Variants in KIRREL3 observed in about 807,000 individuals in gnomAD.
KIRREL3 encodes the protein kin of IRRE-like protein 3.
A neutral mutation model predicts 89.7 loss-of-function variants in KIRREL3; 36 were observed. The observed-to-expected ratio is 0.40, with a 90% CI of 0.31 to 0.53. The LOEUF is 0.53. Ranked by LOEUF, KIRREL3 falls within the 20% of genes least tolerant of loss-of-function variation. KIRREL3 has a pLI of 0.49. For missense variants in KIRREL3, 864 were observed against 1,056.6 expected (o/e 0.82, Z 2.53); for synonymous variants, 445 against 441.4 (o/e 1.01, Z -0.10).
Position 126,495,485 on chromosome 11 carries a change from C to T in KIRREL3, c.434-22019G>A, listed in dbSNP as rs1219617469. 3.3e-5 allele frequency among the ~76,000 whole-genome samples: 5 copies of T among 152,232 alleles called. No homozygotes were observed. Among genetic ancestry groups the T allele is most frequent in the South Asian group, 2.1e-4 (1 of 4,820 alleles). ...CTCGTCTCCGCTCATCCTTGCTGGC[C>T]GGGTTTCTGGTTGTGGCTGTTGTGT... On this transcript the variant is annotated intron_variant, in intron 4 of 16. Transcript: ENST00000525144. The surrounding 1 kb of genome is among the most constrained non-coding windows in gnomAD (Gnocchi z 6.5).
chr11:126,899,428 T>C (rs1261671215), intron 1 of KIRREL3, among the ~76,000 whole-genome samples: 2 of 152,172 alleles, frequency 1.3e-5, no homozygotes, highest in Non-Finnish European at 2.9e-5. Context: ...TCACCTATCC[T>C]AACTGACAAA....
At position 126,977,816 on chromosome 11, in the gene KIRREL3, T is replaced by G. The variant is rs76298645; in HGVS notation, c.55+22639A>C. The stretch of plus-strand genomic sequence containing the variant: ...CAGGACCAGCCTTCCAACCAGTGTC[T>G]GGAGAGCTGAAGTTGTCAACCCTGG... On this transcript the variant is annotated intron_variant, in intron 1 of 16. Transcript: ENST00000525144. This position sits in a 1 kb window ranked among gnomAD's most constrained non-coding sequence, Gnocchi z 4.7. Among the ~76,000 whole-genome samples the G allele has an allele frequency of 3.6e-3, 552 of 152,322 alleles. 1 individual carries two copies. The highest frequency in any genetic ancestry group is 0.012 in the African/African-American group (513 of 41,564).
Position 126,456,329 on chromosome 11 carries a change from C to A in KIRREL3, c.848+20G>T. 6.5e-7 allele frequency: 1 copy of A among 1,533,772 alleles called. No homozygotes were observed. Among genetic ancestry groups the A allele is most frequent in the African/African-American group, 1.4e-5 (1 of 73,090 alleles). On this transcript the variant is annotated intron_variant, in intron 7 of 16. Coordinates refer to ENST00000525144, the MANE Select transcript of KIRREL3 (RefSeq NM_032531.4). ...TGGGGGCCAGTGGCCAGGCCGGGCC[C>A]CCTCAGCAGTGACTCTCACCTGTAC...
rs1946244166 is a variant in KIRREL3, at chr11:126,898,269, G to T, written c.55+102186C>A. Reference sequence around the variant, plus strand: ...GAATTAGAAAACTGAAGGATACCAAGGACTGGGGAACAGGTGGGGAAACTG... The same window carrying T: ...GAATTAGAAAACTGAAGGATACCAATGACTGGGGAACAGGTGGGGAAACTG... On this transcript the variant is annotated intron_variant, in intron 1 of 16. Transcript: ENST00000525144. The surrounding 1 kb of genome is among the most constrained non-coding windows in gnomAD (Gnocchi z 4.9). Among the ~76,000 whole-genome samples the T allele has an allele frequency of 6.6e-6, 1 of 152,112 alleles. No individual in the cohort carries two copies.
At chr11:126,671,803 A>G (rs4127506) in intron 1 of KIRREL3, among the ~76,000 whole-genome samples, 46,311 of 152,114 alleles carry the variant, frequency 0.3, 7,319 homozygotes, top group Admixed American at 0.4. Flanking sequence ...GAGCAACAGG[A>G]GCTCTCATTC....
chr11:126,444,750 G>A (rs1202209932), intron 10 of KIRREL3, among the ~76,000 whole-genome samples: 2 of 152,152 alleles, frequency 1.3e-5, no homozygotes, highest in African/African-American at 4.8e-5. Flanking sequence ...CCCCTTCAAA[G>A]CTAACAAACA....
rs1255388834 is a variant in KIRREL3 at position 126,780,356 on chromosome 11, G to A, written c.56-217444C>T. Among the ~76,000 whole-genome samples the A allele has an allele frequency of 6.6e-6, 1 of 152,154 alleles. No homozygotes were observed. The highest frequency in any genetic ancestry group is 2.1e-4 in the South Asian group (1 of 4,822). ...ACTGAATGTAATTAATGACATTGTG[G>A]CTTTAAATAAAAACCAGCTATTCGT... is the stretch of plus-strand genomic sequence containing the variant. On this transcript the variant is annotated intron_variant, in intron 1 of 16. Coordinates refer to ENST00000525144, the MANE Select transcript of KIRREL3 (RefSeq NM_032531.4). This position sits in a 1 kb window ranked among gnomAD's most constrained non-coding sequence, Gnocchi z 5.3.
intron 4 of KIRREL3, among the ~76,000 whole-genome samples, chr11:126,499,387 G>T (rs1484166757): frequency 6.6e-6 from 1 of 152,036 alleles, no homozygotes; most frequent in Non-Finnish European, 1.5e-5. Flanking sequence ...CTGTTAACAG[G>T]ACCTAACTAC....
intron 1 of KIRREL3, among the ~76,000 whole-genome samples, chr11:126,944,627 GA>G (rs1203337126): frequency 6.6e-6 from 1 of 152,116 alleles, no homozygotes; most frequent in Non-Finnish European, 1.5e-5. Flanking sequence ...TCCACGCCTT[GA>G]GACTTCCACT....
upstream of KIRREL3, among the ~76,000 whole-genome samples, chr11:127,002,212 C>G (rs561565519): frequency 6.6e-6 from 1 of 152,246 alleles, no homozygotes; most frequent in Non-Finnish European, 1.5e-5. Context: ...TGGTAGTTGA[C>G]ACCAAAGATC....
rs184051250 is a variant in KIRREL3 at position 126,772,919 on chromosome 11, T to A, written c.56-210007A>T. Among the ~76,000 whole-genome samples the A allele has an allele frequency of 7.2e-5, 11 of 152,278 alleles. No individual in the cohort carries two copies. In the East Asian group the frequency reaches 9.7e-4, roughly 13 times the overall value. On this transcript the variant is annotated intron_variant, in intron 1 of 16. Transcript: ENST00000525144. This position sits in a 1 kb window ranked among gnomAD's most constrained non-coding sequence, Gnocchi z 4.6. ...ATCTCCCCAGTGATTCTTACGGACA[T>A]CAGGACTGAGGTCCTGGGGTTCTGT...
Position 126,587,302 on chromosome 11 carries a change from A to G in KIRREL3, c.56-24390T>C, listed in dbSNP as rs534529727. On this transcript the variant is annotated intron_variant, in intron 1 of 16. Coordinates refer to ENST00000525144, the MANE Select transcript of KIRREL3 (RefSeq NM_032531.4). The surrounding 1 kb of genome is among the most constrained non-coding windows in gnomAD (Gnocchi z 5.2). ...CAGCGTGTGCAAAGGCTGGGAGGTC[A>G]GAAAGAACACACTCTGCTCCGGTGA... is the stretch of plus-strand genomic sequence containing the variant. Among the ~76,000 whole-genome samples, 8 of 152,322 alleles carry G rather than the reference A, an allele frequency of 5.3e-5. No homozygotes were observed. The South Asian group carries it at 1.7e-3, about 32-fold the overall frequency.
At chr11:126,543,743 T>A (rs80136191) in intron 2 of KIRREL3, among the ~76,000 whole-genome samples, 16,601 of 152,248 alleles carry the variant, frequency 0.11, 1,065 homozygotes, top group Admixed American at 0.16. Context: ...CTGTCACCAA[T>A]ACTTCAGGGC....
chr11:126,478,808 T>C (rs79439092), intron 4 of KIRREL3, among the ~76,000 whole-genome samples: 4,053 of 152,142 alleles, frequency 0.027, 175 homozygotes, highest in African/African-American at 0.088. Flanking sequence ...TGTGTGTGCA[T>C]TGGGTACAGT....
In KIRREL3 at chr11:126,526,794, TC is replaced by T. The variant is rs1189416994; in HGVS notation, c.134-108del. On this transcript the variant is annotated intron_variant, in intron 2 of 16. Coordinates refer to ENST00000525144, the MANE Select transcript of KIRREL3 (RefSeq NM_032531.4). The surrounding 1 kb of genome is among the most constrained non-coding windows in gnomAD (Gnocchi z 5.7). Reference sequence around the variant, plus strand: ...CAGGGCTGGCGCAGGAGACTGAGCCTCCTGAAGCACCTGGCTTTCCTGCTGA... The same window carrying T: ...CAGGGCTGGCGCAGGAGACTGAGCCTCTGAAGCACCTGGCTTTCCTGCTGA... 8.2e-7 allele frequency: 1 copy of T among 1,224,940 alleles called. No homozygotes were observed. Among genetic ancestry groups the T allele is most frequent in the Admixed American group, 2.3e-5 (1 of 44,278 alleles). 75.9% of individuals were successfully genotyped at this position (1,224,940 alleles called of 1,614,324 possible). A position where few individuals can be genotyped will look rare whatever the true frequency, so the allele number is the denominator to read the frequency against.
Position 126,576,970 on chromosome 11 carries a change from G to A in KIRREL3, c.56-14058C>T, listed in dbSNP as rs1169354110. On this transcript the variant is annotated intron_variant, in intron 1 of 16. Transcript: ENST00000525144. This position sits in a 1 kb window ranked among gnomAD's most constrained non-coding sequence, Gnocchi z 5.4. ...GTTGCTTCCTGTGCTTCTCATATGA[G>A]AAAACTGAGGCTGAGAGAGGCTCAA... Among the ~76,000 whole-genome samples, 1 of 152,166 alleles carries A rather than the reference G, an allele frequency of 6.6e-6. No individual in the cohort carries two copies. The highest frequency in any genetic ancestry group is 1.5e-5 in the Non-Finnish European group (1 of 68,038).
rs948235618 is a variant in KIRREL3, at chr11:126,627,317, G to A, written c.56-64405C>T. 1.3e-5 allele frequency among the ~76,000 whole-genome samples: 2 copies of A among 152,140 alleles called. No individual in the cohort carries two copies. Among genetic ancestry groups the A allele is most frequent in the Admixed American group, 1.3e-4 (2 of 15,278 alleles). ...GAAGGAGACAGAGGCTGGAGCAGGT[G>A]GCCAAGGGCCTTGAAAACCATGTTG... is the stretch of plus-strand genomic sequence containing the variant. On this transcript the variant is annotated intron_variant, in intron 1 of 16. Coordinates refer to ENST00000525144, the MANE Select transcript of KIRREL3 (RefSeq NM_032531.4). The surrounding 1 kb of genome is among the most constrained non-coding windows in gnomAD (Gnocchi z 5.0).
Position 126,475,325 on chromosome 11 carries a change from G to A in KIRREL3, c.434-1859C>T, listed in dbSNP as rs1000700508. Among the ~76,000 whole-genome samples, 3 of 152,070 alleles carry A rather than the reference G, an allele frequency of 2.0e-5. No homozygotes were observed. Among genetic ancestry groups the A allele is most frequent in the Non-Finnish European group, 2.9e-5 (2 of 68,000 alleles). ...CCTCCCCTTCTCAGGGGATCGCCCC[G>A]TCAGCCCTTCTCCTAGTCCACTCCG... is the stretch of plus-strand genomic sequence containing the variant. On this transcript the variant is annotated intron_variant, in intron 4 of 16. Coordinates refer to ENST00000525144, the MANE Select transcript of KIRREL3 (RefSeq NM_032531.4). This position sits in a 1 kb window ranked among gnomAD's most constrained non-coding sequence, Gnocchi z 7.5.
chr11:126,765,061 G>C (rs1949779741), intron 1 of KIRREL3, among the ~76,000 whole-genome samples: 1 of 152,182 alleles, frequency 6.6e-6, no homozygotes, highest in Non-Finnish European at 1.5e-5. Context: ...CCTAGAGATG[G>C]ACAGGAGACC....
Sources: allele counts gnomAD v4.1 joint callset (sites outside exome capture counted in the v4.1 genomes callset), GRCh38; gene constraint gnomAD v4.1.1; non-coding constraint Gnocchi (gnomAD v3.1); transcripts MANE v1.5; gene names NCBI Gene and HGNC (gene_info 2026-07-23, HGNC 2026-07-21).